The following KIF13B variants were observed in gnomAD, a reference collection of about 807,000 sequenced individuals.
KIF13B encodes the protein kinesin family member 13B.
Under a neutral mutation model 222.0 loss-of-function variants are expected in KIF13B, and 127 were observed. The observed-to-expected ratio is 0.57, with a 90% CI of 0.50 to 0.66. The LOEUF (loss-of-function observed/expected upper bound fraction) is 0.66. Among genes scored for constraint, KIF13B ranks in the 30% least tolerant of loss-of-function variants. The probability of loss-of-function intolerance (pLI) is 0.00; values close to 1 mark genes in which losing one functional copy is unlikely to be tolerated. For missense variants in KIF13B, 2,173 were observed against 2,379.0 expected (o/e 0.91, Z 1.80); for synonymous variants, 976 against 919.0 (o/e 1.06, Z -1.12).
At chr8:29,181,464 T>C (rs368709397) in intron 7 of KIF13B, among the ~76,000 whole-genome samples, 6 of 152,246 alleles carry the variant, frequency 3.9e-5, no homozygotes, top group Non-Finnish European at 7.3e-5. Flanking sequence ...ATTTTTTTAA[T>C]GTTAGGTGCA....
At chr8:29,103,056 C>G (rs755106345) in intron 35 of KIF13B, among the ~76,000 whole-genome samples, 1 of 152,044 alleles carries the variant, frequency 6.6e-6, no homozygotes, top group Non-Finnish European at 1.5e-5. Context: ...TCCTGGCTAA[C>G]ATGATGAAAC....
chr8:29,243,406 C>A (rs1002461893), intron 2 of KIF13B, among the ~76,000 whole-genome samples: 2 of 151,610 alleles, frequency 1.3e-5, no homozygotes, highest in African/African-American at 4.9e-5. Context: ...CCCGTAATCC[C>A]AGCACTTTGG....
At chr8:29,249,254 C>T (rs1254459844) in intron 1 of KIF13B, among the ~76,000 whole-genome samples, 4 of 151,636 alleles carry the variant, frequency 2.6e-5, no homozygotes, top group Non-Finnish European at 4.4e-5. Context: ...ATGGTGAAAC[C>T]CCGTCTCTAC....
intron 2 of KIF13B, among the ~76,000 whole-genome samples, chr8:29,237,025 T>C (rs1489750995): frequency 6.6e-6 from 1 of 152,176 alleles, no homozygotes; most frequent in African/African-American, 2.4e-5. Context: ...AACTCTCAGC[T>C]TGATACTTGG....
chr8:29,155,976 AT>A (rs948378722), intron 13 of KIF13B, 120 bp from the exon 14 acceptor site: 2 of 727,746 alleles, frequency 2.7e-6, no homozygotes, highest in African/African-American at 3.6e-5. Context: ...TTTTATTTTT[AT>A]TTTATTTTTG....
intron 3 of KIF13B, among the ~76,000 whole-genome samples, chr8:29,195,775 G>A (rs1301623781): frequency 6.6e-6 from 1 of 152,284 alleles, no homozygotes; most frequent in Admixed American, 6.5e-5. Context: ...GGTTTTGACC[G>A]CAGTTTGGAA....
chr8:29,209,885 C>CAAAA (rs11414197), intron 2 of KIF13B, among the ~76,000 whole-genome samples: 19 of 107,388 alleles, frequency 1.8e-4, no homozygotes, highest in Admixed American at 3.1e-4. Flanking sequence ...TACCTCTCCA[C>CAAAA]AAAAAAAAAA....
At chr8:29,185,184 G>A (rs1319008832) in intron 6 of KIF13B, among the ~76,000 whole-genome samples, 4 of 152,056 alleles carry the variant, frequency 2.6e-5, no homozygotes, top group African/African-American at 9.7e-5. Flanking sequence ...CCTTCAAGGT[G>A]TGGGAGAGGT....
At chr8:29,091,739 G>C (rs1485440108) in intron 37 of KIF13B, among the ~76,000 whole-genome samples, 1 of 152,184 alleles carries the variant, frequency 6.6e-6, no homozygotes. Flanking sequence ...GGTCCCCACA[G>C]GACTTGGCTC....
chr8:29,183,244 C>G (rs563316225), intron 6 of KIF13B, among the ~76,000 whole-genome samples: 1 of 150,948 alleles, frequency 6.6e-6, no homozygotes, highest in Admixed American at 6.6e-5. Flanking sequence ...CTCCGCTTCC[C>G]AGGTTCAAGC....
At chr8:29,115,314 TA>T (rs201922525) in intron 31 of KIF13B, among the ~76,000 whole-genome samples, 147 of 147,404 alleles carry the variant, frequency 1.0e-3, no homozygotes, top group African/African-American at 3.6e-3. Flanking sequence ...GCAAAACCAG[TA>T]AAAAAAAAGA....
intron 36 of KIF13B, among the ~76,000 whole-genome samples, chr8:29,098,170 CAAAAA>C (rs147089450): frequency 2.3e-4 from 7 of 30,314 alleles, no homozygotes; most frequent in African/African-American, 3.3e-4. Flanking sequence ...GACTCCATCT[CAAAAA>C]AAAAAAAAAA....
chr8:29,262,663 C>T (rs1816723666), intron 1 of KIF13B, among the ~76,000 whole-genome samples: 1 of 150,524 alleles, frequency 6.6e-6, no homozygotes, highest in African/African-American at 2.4e-5. Context: ...GGGCCGAGGG[C>T]GCCCTCGGGA....
At chr8:29,142,041 AG>A in intron 19 of KIF13B, 115 bp downstream of exon 19, 1 of 706,114 alleles carries the variant, frequency 1.4e-6, no homozygotes, top group Non-Finnish European at 2.3e-6. Context: ...ACCTTACTCC[AG>A]AAATAGGATT....
chr8:29,099,842 T>C (rs1009745109), intron 35 of KIF13B, among the ~76,000 whole-genome samples: 2 of 152,208 alleles, frequency 1.3e-5, no homozygotes, highest in Admixed American at 1.3e-4. Context: ...TCCCACAGAA[T>C]ACAGACGTAT....
At chr8:29,073,640 C>A (rs1287966755) in intron 38 of KIF13B, among the ~76,000 whole-genome samples, 2 of 152,178 alleles carry the variant, frequency 1.3e-5, no homozygotes, top group Non-Finnish European at 2.9e-5. Context: ...CAGGAATGGT[C>A]ATTTTCCATT....
intron 21 of KIF13B, among the ~76,000 whole-genome samples, chr8:29,137,009 C>A (rs1810592441): frequency 6.6e-6 from 1 of 151,760 alleles, no homozygotes; most frequent in Non-Finnish European, 1.5e-5. Context: ...ACCATGTTAG[C>A]CAGGATGGTC....
rs754052077 is a variant in KIF13B, at chr8:29,142,157, T to C, written c.2334A>G (p.Pro778=). The C allele has an allele frequency of 1.9e-6, 3 of 1,611,866 alleles. No homozygotes were observed. Among genetic ancestry groups the C allele is most frequent in the Non-Finnish European group, 2.5e-6 (3 of 1,178,372 alleles). The change falls in exon 19 of 40, where the codon CCA becomes CCG. Residue 778 remains proline (P), a splice_region_variant and synonymous_variant. Coordinates refer to ENST00000524189, the MANE Select transcript of KIF13B (RefSeq NM_015254.4). ...AGTGATTTTCTCTTAAATAACTTAC[T>C]GGGTTATCTTCTTCACACTCTTTCC... ...QEWKECEEDN[P]VIRSYFKRAD... is the part of the protein sequence containing the mutation.
At chr8:29,246,529 T>C (rs1816030525) in intron 1 of KIF13B, among the ~76,000 whole-genome samples, 1 of 151,786 alleles carries the variant, frequency 6.6e-6, no homozygotes, top group African/African-American at 2.4e-5. Context: ...AAGATGACAA[T>C]ATTCCCCAAT....
Sources: gnomAD v4.1 joint callset for allele counts (sites outside exome capture counted in the v4.1 genomes callset) on GRCh38, gnomAD v4.1.1 for gene constraint, MANE v1.5 for transcripts, NCBI Gene and HGNC (gene_info 2026-07-23, HGNC 2026-07-21) for gene names.